The following OGG1 variants were observed in gnomAD, a reference collection of about 807,000 sequenced individuals.
The protein encoded by OGG1 is N-glycosylase/DNA lyase.
OGG1 carries 35 observed loss-of-function variants against 42.3 expected under a neutral mutation model. That is an observed-to-expected ratio of 0.83 (90% CI 0.63 to 1.10). The LOEUF (loss-of-function observed/expected upper bound fraction) is 1.10, where lower values mean the gene tolerates loss of function less well. Among genes scored for constraint, OGG1 ranks in the 50% least tolerant of loss-of-function variants. The pLI is 0.00. For missense variants in OGG1, 484 were observed against 446.7 expected (o/e 1.08, Z -0.75); for synonymous variants, 189 against 179.0 (o/e 1.06, Z -0.44).
At chr3:9,758,880 T>C, downstream of OGG1, 1 of 362,874 alleles carries the variant, frequency 2.8e-6, no homozygotes, top group Admixed American at 3.9e-5. Context: ...TCCAACCACC[T>C]CGGCCTCCCA....
At chr3:9,753,942 A>G (rs909929900) in intron 3 of OGG1, among the ~76,000 whole-genome samples, 2 of 152,300 alleles carry the variant, frequency 1.3e-5, no homozygotes, top group Admixed American at 1.3e-4. Context: ...GTTTGAGACC[A>G]GCCTGGGCAA....
downstream of OGG1, among the ~76,000 whole-genome samples, chr3:9,768,315 C>G (rs912939816): frequency 7.9e-5 from 12 of 152,234 alleles, no homozygotes; most frequent in African/African-American, 2.9e-4. Flanking sequence ...TGCACTGTTA[C>G]CACAGCAACA....
At chr3:9,781,519 C>G in exon 3 of OGG1, 1 of 456,482 alleles carries the variant, frequency 2.2e-6, no homozygotes. Context: ...TCAGGTGTTC[C>G]GGTGCCAGCA....
chr3:9,761,983 C>A, downstream of OGG1: 1 of 541,934 alleles, frequency 1.8e-6, no homozygotes, highest in Non-Finnish European at 3.2e-6. Flanking sequence ...CTCAGGTGTG[C>A]ACTGTAAAGC....
chr3:9,759,228 C>G (rs777240560), downstream of OGG1: 3 of 1,614,182 alleles, frequency 1.9e-6, no homozygotes, highest in East Asian at 2.2e-5. Flanking sequence ...TTCTCGGACC[C>G]CATAGGCTGG....
At chr3:9,775,386 A>C (rs1387359335) in intron 2 of OGG1, among the ~76,000 whole-genome samples, 1 of 152,216 alleles carries the variant, frequency 6.6e-6, no homozygotes. Flanking sequence ...TTTCCACATG[A>C]GATATTACTG....
In OGG1 at chr3:9,787,907, G is replaced by A. The variant is rs570604449; in HGVS notation, c.*176G>A. ...GTCTGTCAAGGAGACAAGAGGGAGA[G>A]AAGAGCTTGCCAGAGGCCCAGAGAC... is the stretch of plus-strand genomic sequence containing the variant. On this transcript the variant is annotated 3_prime_UTR_variant, in exon 4 of 4. Transcript: ENST00000426518. The A allele has an allele frequency of 1.1e-3, 401 of 374,788 alleles. 3 individuals are homozygous for A. Among genetic ancestry groups the A allele is most frequent in the Admixed American group, 9.8e-3 (264 of 27,024 alleles). 23.2% of individuals were successfully genotyped at this position (374,788 alleles called of 1,614,324 possible). A position where few individuals can be genotyped will look rare whatever the true frequency, so the allele number is the denominator to read the frequency against.
At chr3:9,785,327 G>C in intron 3 of OGG1, 1 of 1,613,882 alleles carries the variant, frequency 6.2e-7, no homozygotes, top group South Asian at 1.1e-5. Context: ...TGAAGGGCTT[G>C]TTCTGATTGC....
At chr3:9,790,052 TAC>T, downstream of OGG1, 2 of 1,443,220 alleles carry the variant, frequency 1.4e-6, no homozygotes. Context: ...ATCTAGAATC[TAC>T]AGAGGCTCCT....
chr3:9,791,017 C>G (rs2078717518), downstream of OGG1, among the ~76,000 whole-genome samples: 1 of 152,202 alleles, frequency 6.6e-6, no homozygotes, highest in Admixed American at 6.5e-5. Context: ...GCATAGGACC[C>G]AGAACACAAT....
chr3:9,782,906 C>G (rs1315469320), intron 3 of OGG1, among the ~76,000 whole-genome samples: 1 of 152,192 alleles, frequency 6.6e-6, no homozygotes, highest in Non-Finnish European at 1.5e-5. Context: ...GGTTGCTTCC[C>G]TATCTCTTTA....
At chr3:9,763,196 A>T in intron 7 of OGG1, 3 of 1,613,950 alleles carry the variant, frequency 1.9e-6, no homozygotes, top group Non-Finnish European at 1.7e-6. Flanking sequence ...CAGGGCTACA[A>T]TGTTGGGGTG....
At chr3:9,752,799 C>T (rs2077365302) in intron 3 of OGG1, among the ~76,000 whole-genome samples, 2 of 152,154 alleles carry the variant, frequency 1.3e-5, no homozygotes, top group Admixed American at 1.3e-4. Flanking sequence ...GCCTGTAATC[C>T]CAACACTTTG....
chr3:9,777,134 C>T (rs952545249), intron 2 of OGG1, among the ~76,000 whole-genome samples: 1 of 152,208 alleles, frequency 6.6e-6, no homozygotes, highest in Non-Finnish European at 1.5e-5. Flanking sequence ...CCTCCCCGTT[C>T]TCACTCACCC....
At chr3:9,773,113 C>T (rs2078321515) in intron 2 of OGG1, among the ~76,000 whole-genome samples, 1 of 151,840 alleles carries the variant, frequency 6.6e-6, no homozygotes, top group South Asian at 2.1e-4. Context: ...CCTGTATCCC[C>T]AGCCACTTGG....
chr3:9,762,975 A>T, intron 7 of OGG1: 1 of 1,614,138 alleles, frequency 6.2e-7, no homozygotes, highest in South Asian at 1.1e-5. Flanking sequence ...CAGCACCTGG[A>T]AGATGAGGCG....
chr3:9,789,401 G>T, downstream of OGG1: 2 of 1,004,844 alleles, frequency 2.0e-6, no homozygotes, highest in South Asian at 3.2e-5. Flanking sequence ...CAGCAGACTG[G>T]GCAGGGTTGG....
At chr3:9,754,221 T>A (rs549725159) in intron 3 of OGG1, among the ~76,000 whole-genome samples, 6 of 152,356 alleles carry the variant, frequency 3.9e-5, no homozygotes, top group African/African-American at 1.2e-4. Context: ...TTAAGTAAGT[T>A]AACCTCTTCT....
downstream of OGG1, chr3:9,789,882 T>TG (rs1300913222): frequency 3.1e-6 from 5 of 1,614,132 alleles, no homozygotes; most frequent in East Asian, 2.2e-5. Flanking sequence ...TTCCCATGTT[T>TG]GGGGGGAGCT....
Sources: allele counts gnomAD v4.1 joint callset (sites outside exome capture counted in the v4.1 genomes callset), GRCh38; gene constraint gnomAD v4.1.1; transcripts MANE v1.5; gene names NCBI Gene and HGNC (gene_info 2026-07-23, HGNC 2026-07-21).